The following CSMD3 variants were observed in gnomAD, a reference collection of about 807,000 sequenced individuals.
CSMD3 encodes the protein CUB and sushi domain-containing protein 3.
A neutral mutation model predicts 435.2 loss-of-function variants in CSMD3; 177 were observed. That is an observed-to-expected ratio of 0.41 (90% CI 0.36 to 0.46). CSMD3 has a LOEUF of 0.46. Ranked by LOEUF, CSMD3 falls within the 20% of genes least tolerant of loss-of-function variation. CSMD3 has a pLI of 0.34. For synonymous variants in CSMD3, 1,656 were observed against 1,520.5 expected (o/e 1.09, Z -2.07); for missense variants, 4,265 against 4,504.6 (o/e 0.95, Z 1.52).
intron 4 of CSMD3, among the ~76,000 whole-genome samples, chr8:113,136,082 T>A (rs1025513363): frequency 6.6e-6 from 1 of 151,804 alleles, no homozygotes; most frequent in African/African-American, 2.4e-5. Flanking sequence ...TTGACCATAT[T>A]ACGTATCATA....
chr8:113,407,584 T>G (rs945671270), intron 1 of CSMD3, among the ~76,000 whole-genome samples: 2 of 151,676 alleles, frequency 1.3e-5, no homozygotes, highest in Non-Finnish European at 2.9e-5. Flanking sequence ...GTGTGTGTGT[T>G]TGTGTGTGTA....
At chr8:112,401,697 G>A (rs1291748529) in intron 35 of CSMD3, among the ~76,000 whole-genome samples, 1 of 151,976 alleles carries the variant, frequency 6.6e-6, no homozygotes, top group African/African-American at 2.4e-5. Context: ...CTCCTAAATG[G>A]TATATTTTAA....
At chr8:113,393,471 T>C (rs1381165220) in intron 1 of CSMD3, among the ~76,000 whole-genome samples, 2 of 152,118 alleles carry the variant, frequency 1.3e-5, no homozygotes, top group Admixed American at 1.3e-4. Context: ...GGAGAAGTCA[T>C]GATGAACATA....
chr8:112,315,779 T>A lies in CSMD3; in HGVS notation c.7361-1162A>T, dbSNP rs528422327. 6.4e-4 allele frequency among the ~76,000 whole-genome samples: 97 copies of A among 152,004 alleles called. 2 individuals are homozygous for A. The highest frequency in any genetic ancestry group is 6.0e-3 in the Admixed American group (91 of 15,242). On this transcript the variant is annotated intron_variant, in intron 47 of 70. Coordinates refer to ENST00000297405, the MANE Select transcript of CSMD3 (RefSeq NM_198123.2). ...TTTGGTTAATTAGAAATATATCCCA[T>A]GCAATTTCCTAATTCATCTACTATA... is the stretch of plus-strand genomic sequence containing the variant.
chr8:113,125,559 A>T (rs2091102080), intron 4 of CSMD3, among the ~76,000 whole-genome samples: 1 of 151,948 alleles, frequency 6.6e-6, no homozygotes, highest in Non-Finnish European at 1.5e-5. Flanking sequence ...AAAGAGGAGA[A>T]GGGATCAAGA....
At chr8:113,268,045 T>C (rs1199612637) in intron 3 of CSMD3, among the ~76,000 whole-genome samples, 1 of 151,782 alleles carries the variant, frequency 6.6e-6, no homozygotes, top group Non-Finnish European at 1.5e-5. Context: ...CCATAATAAA[T>C]GATTCCTAAG....
intron 1 of CSMD3, among the ~76,000 whole-genome samples, chr8:113,336,262 C>T (rs192651636): frequency 3.3e-5 from 5 of 150,490 alleles, no homozygotes; most frequent in Admixed American, 3.3e-4. Flanking sequence ...GATTTGGTTC[C>T]TCCTTACATG....
rs1823775554 is a variant in CSMD3 at position 112,517,287 on chromosome 8, C to T, written c.4565-62G>A. The T allele has an allele frequency of 5.8e-6, 7 of 1,207,046 alleles. No individual in the cohort carries two copies. The Admixed American group carries it at 6.2e-5, about 11-fold the overall frequency. 74.8% of individuals were successfully genotyped at this position (1,207,046 alleles called of 1,614,324 possible). A position where few individuals can be genotyped will look rare whatever the true frequency, so the allele number is the denominator to read the frequency against. ...ACTACCAAAATCAATTTCATATATC[C>T]CTGTGTTTTAGAAAATTAATTTTTA... is the stretch of plus-strand genomic sequence containing the variant. On this transcript the variant is annotated intron_variant, in intron 27 of 70. Coordinates refer to ENST00000297405, the MANE Select transcript of CSMD3 (RefSeq NM_198123.2).
intron 36 of CSMD3, among the ~76,000 whole-genome samples, chr8:112,384,528 T>C (rs1018799252): frequency 9.2e-5 from 14 of 152,234 alleles, no homozygotes; most frequent in African/African-American, 3.4e-4. Flanking sequence ...TTTGTGGTTT[T>C]AGAGGAAGGA....
chr8:112,572,136 C>G (rs892343352), intron 24 of CSMD3, among the ~76,000 whole-genome samples: 1 of 151,802 alleles, frequency 6.6e-6, no homozygotes, highest in Non-Finnish European at 1.5e-5. Context: ...TACTCAATAT[C>G]ATTACAATAT....
chr8:112,532,069 C>A (rs1026928918), intron 27 of CSMD3, among the ~76,000 whole-genome samples: 4 of 151,080 alleles, frequency 2.6e-5, no homozygotes, highest in Admixed American at 6.6e-5. Context: ...ATGAAAAATA[C>A]AATTGATGAA....
intron 3 of CSMD3, among the ~76,000 whole-genome samples, chr8:113,246,202 G>A (rs1021961081): frequency 2.0e-5 from 3 of 151,224 alleles, no homozygotes; most frequent in Admixed American, 6.6e-5. Flanking sequence ...ATAGAGTCCC[G>A]TTATGGTCCA....
chr8:112,796,421 G>A (rs1416052342), intron 13 of CSMD3, among the ~76,000 whole-genome samples: 1 of 151,992 alleles, frequency 6.6e-6, no homozygotes, highest in Non-Finnish European at 1.5e-5. Context: ...TTTCTCATCT[G>A]TAAAAATGAG....
intron 3 of CSMD3, among the ~76,000 whole-genome samples, chr8:113,246,666 A>G (rs969928774): frequency 6.6e-6 from 1 of 152,094 alleles, no homozygotes; most frequent in African/African-American, 2.4e-5. Context: ...GAACTAGGTA[A>G]AATTATTTTA....
intron 13 of CSMD3, among the ~76,000 whole-genome samples, chr8:112,762,107 T>C (rs763686616): frequency 3.3e-5 from 5 of 151,998 alleles, no homozygotes; most frequent in African/African-American, 4.8e-5. Context: ...GATGGCATTC[T>C]TGTGTCTTTG....
intron 6 of CSMD3, chr8:113,018,786 T>A (rs1027176132): frequency 2.7e-5 from 11 of 402,044 alleles, no homozygotes; most frequent in African/African-American, 1.8e-4. Context: ...GTATATCCAA[T>A]TGCTGAAGCA....
At chr8:112,650,830 T>G (rs187329121) in intron 18 of CSMD3, among the ~76,000 whole-genome samples, 2 of 152,374 alleles carry the variant, frequency 1.3e-5, no homozygotes, top group Admixed American at 1.3e-4. Flanking sequence ...GGTTAACTGT[T>G]GTTGTTATCA....
intron 1 of CSMD3, among the ~76,000 whole-genome samples, chr8:113,344,487 T>C (rs1208639400): frequency 1.3e-5 from 2 of 152,192 alleles, no homozygotes; most frequent in African/African-American, 2.4e-5. Flanking sequence ...GGTTTGAAAG[T>C]CTTTGCTTGC....
At position 112,887,203 on chromosome 8, in the gene CSMD3, T is replaced by G. The variant is rs899513292; in HGVS notation, c.1634-27937A>C. On this transcript the variant is annotated intron_variant, in intron 10 of 70. Coordinates refer to ENST00000297405, the MANE Select transcript of CSMD3 (RefSeq NM_198123.2). ...GTTTGTTGTTACAATTATTTGTTTT[T>G]TTTTTTTTTTGAATAGTATAAAAGA... is the stretch of plus-strand genomic sequence containing the variant. Among the ~76,000 whole-genome samples, 48 of 151,008 alleles carry G rather than the reference T, an allele frequency of 3.2e-4. 1 individual carries two copies. Among genetic ancestry groups the G allele is most frequent in the African/African-American group, 1.0e-3 (43 of 41,294 alleles).
Sources: allele counts gnomAD v4.1 joint callset (sites outside exome capture counted in the v4.1 genomes callset), GRCh38; gene constraint gnomAD v4.1.1; transcripts MANE v1.5; gene names NCBI Gene and HGNC (gene_info 2026-07-23, HGNC 2026-07-21).